Variants in RBFOX1 observed in about 807,000 individuals in gnomAD.
The protein encoded by RBFOX1 is RNA binding fox-1 homolog 1.
Under a neutral mutation model 57.7 loss-of-function variants are expected in RBFOX1, and 8 were observed. That is an observed-to-expected ratio of 0.14 (90% confidence interval 0.08 to 0.25). The LOEUF is 0.25. RBFOX1 is among the 10% of genes least tolerant of loss of function. RBFOX1 has a pLI of 1.00. For synonymous variants in RBFOX1, 326 were observed against 222.4 expected (o/e 1.47, Z -4.15); for missense variants, 611 against 548.5 (o/e 1.11, Z -1.14).
intron 4 of RBFOX1, among the ~76,000 whole-genome samples, chr16:7,180,457 A>T (rs1158072754): frequency 1.3e-5 from 2 of 152,032 alleles, no homozygotes; most frequent in Non-Finnish European, 2.9e-5. Flanking sequence ...CATTCTACAG[A>T]CGTGTTTTCA....
chr16:6,338,089 A>C (rs1302278038), intron 2 of RBFOX1, among the ~76,000 whole-genome samples: 1 of 152,240 alleles, frequency 6.6e-6, no homozygotes, highest in Admixed American at 6.5e-5. Context: ...GCAATATGTG[A>C]AATACGTGAT....
intron 3 of RBFOX1, among the ~76,000 whole-genome samples, chr16:5,778,058 C>G (rs1038242911): frequency 3.3e-5 from 5 of 152,172 alleles, no homozygotes; most frequent in Non-Finnish European, 7.3e-5. Flanking sequence ...GAGCTGGAAC[C>G]AGGCACTTAC....
At chr16:5,352,821 T>C (rs1463623277) in intron 1 of RBFOX1, among the ~76,000 whole-genome samples, 6 of 152,068 alleles carry the variant, frequency 3.9e-5, no homozygotes, top group Admixed American at 3.9e-4. Context: ...CATGCACCTG[T>C]AGTCCCAGCT....
chr16:6,941,347 C>CTTCCTTCCTTCG (rs2078476578), intron 3 of RBFOX1, among the ~76,000 whole-genome samples: 2 of 131,290 alleles, frequency 1.5e-5, no homozygotes, highest in Non-Finnish European at 3.2e-5. Flanking sequence ...TCCTTCCTTC[C>CTTCCTTCCTTCG]TTCCTTCCTT....
chr16:7,030,052 A>C (rs1236713499), intron 3 of RBFOX1, among the ~76,000 whole-genome samples: 1 of 151,656 alleles, frequency 6.6e-6, no homozygotes, highest in Non-Finnish European at 1.5e-5. Context: ...ATAGATAGTC[A>C]GAAAAGTATG....
intron 2 of RBFOX1, among the ~76,000 whole-genome samples, chr16:6,333,338 C>G (rs182086471): frequency 2.6e-5 from 4 of 152,198 alleles, no homozygotes; most frequent in Admixed American, 2.0e-4. Context: ...AGCCACTGCG[C>G]CCAGCCAGAC....
Position 7,455,431 on chromosome 16 carries a change from T to C in RBFOX1, c.28-62716T>C, listed in dbSNP as rs527559963. ...TGCAAGAATATAACAGCTCCCAGAG[T>C]TGTTTGCAAGAAAATATTAAATATT... is the stretch of plus-strand genomic sequence containing the variant. On this transcript the variant is annotated intron_variant, in intron 4 of 15. Coordinates refer to ENST00000550418, the MANE Select transcript of RBFOX1 (RefSeq NM_018723.4). 5.9e-5 allele frequency among the ~76,000 whole-genome samples: 9 copies of C among 152,106 alleles called. No homozygotes were observed. In the South Asian group the frequency reaches 1.9e-3, roughly 32 times the overall value.
chr16:7,147,437 C>G (rs904825125), intron 4 of RBFOX1, among the ~76,000 whole-genome samples: 1 of 151,964 alleles, frequency 6.6e-6, no homozygotes, highest in Non-Finnish European at 1.5e-5. Context: ...GGGCGTAGTA[C>G]TTGGTAGACG....
intron 1 of RBFOX1, among the ~76,000 whole-genome samples, chr16:5,394,048 G>A (rs1030476010): frequency 4.6e-5 from 7 of 151,884 alleles, no homozygotes; most frequent in African/African-American, 1.7e-4. Flanking sequence ...TTCCGAGACA[G>A]TGTCTTACTC....
At chr16:7,321,138 T>G (rs1326892666) in intron 4 of RBFOX1, among the ~76,000 whole-genome samples, 3 of 151,678 alleles carry the variant, frequency 2.0e-5, no homozygotes, top group Non-Finnish European at 2.9e-5. Context: ...TACTTATACT[T>G]ATATTGTTTG....
At chr16:6,724,914 G>A (rs962404402) in intron 3 of RBFOX1, among the ~76,000 whole-genome samples, 1 of 152,034 alleles carries the variant, frequency 6.6e-6, no homozygotes, top group Non-Finnish European at 1.5e-5. Flanking sequence ...TGACCTTGCT[G>A]TAGCATTTGT....
chr16:6,795,553 G>A (rs1469076670), intron 3 of RBFOX1, among the ~76,000 whole-genome samples: 1 of 152,026 alleles, frequency 6.6e-6, no homozygotes, highest in Non-Finnish European at 1.5e-5. Context: ...GAATCACGAG[G>A]TCACAAGTTC....
intron 3 of RBFOX1, among the ~76,000 whole-genome samples, chr16:5,639,678 A>G (rs752818487): frequency 6.6e-6 from 1 of 152,152 alleles, no homozygotes; most frequent in Admixed American, 6.5e-5. Context: ...TGCCTCACCC[A>G]TGCACATGCC....
At chr16:6,396,339 G>A (rs561303352) in intron 2 of RBFOX1, among the ~76,000 whole-genome samples, 1 of 152,208 alleles carries the variant, frequency 6.6e-6, no homozygotes, top group East Asian at 1.9e-4. Flanking sequence ...TGTGGTGCAA[G>A]GAAGACGAGA....
At chr16:6,969,631 C>T (rs2085074051) in intron 3 of RBFOX1, among the ~76,000 whole-genome samples, 1 of 152,064 alleles carries the variant, frequency 6.6e-6, no homozygotes, top group Non-Finnish European at 1.5e-5. Context: ...GTAGTCTCAG[C>T]TACTCGGGAG....
chr16:5,789,961 C>T (rs2054633394), intron 3 of RBFOX1, among the ~76,000 whole-genome samples: 1 of 152,176 alleles, frequency 6.6e-6, no homozygotes. Flanking sequence ...AACAGATAGA[C>T]CTCTACACCT....
intron 2 of RBFOX1, among the ~76,000 whole-genome samples, chr16:6,479,155 C>T (rs1597840797): frequency 6.6e-6 from 1 of 152,144 alleles, no homozygotes; most frequent in East Asian, 1.9e-4. Context: ...TTAGTCCGTT[C>T]TAACACTGCT....
intron 3 of RBFOX1, among the ~76,000 whole-genome samples, chr16:5,761,913 A>G (rs1227137913): frequency 6.6e-6 from 1 of 152,122 alleles, no homozygotes; most frequent in Non-Finnish European, 1.5e-5. Flanking sequence ...CCCCTATCAA[A>G]GGAAGTTTCA....
Position 5,895,475 on chromosome 16 carries a change from G to A in RBFOX1, c.351+28140G>A, listed in dbSNP as rs143341415. Among the ~76,000 whole-genome samples the A allele has an allele frequency of 1.9e-4, 29 of 152,334 alleles. No homozygotes were observed. The East Asian group carries it at 5.4e-3, about 28-fold the overall frequency. ...TCACTGACTGAAGAAGAAAACGTAC[G>A]TGATTGAAATACCAGTGCCAGAGGA... On this transcript the variant is annotated intron_variant, in intron 4 of 19. Transcript: ENST00000641259.
Sources: allele counts gnomAD v4.1 joint callset (sites outside exome capture counted in the v4.1 genomes callset), GRCh38; gene constraint gnomAD v4.1.1; transcripts MANE v1.5; gene names NCBI Gene and HGNC (gene_info 2026-07-23, HGNC 2026-07-21).